The following PDGFC variants were observed in gnomAD, a reference collection of about 807,000 sequenced individuals.
The protein encoded by PDGFC is platelet-derived growth factor C.
Under a neutral mutation model 35.5 loss-of-function variants are expected in PDGFC, and 12 were observed. The ratio of observed to expected loss-of-function variants is 0.34; its 90% CI spans 0.22 to 0.55. The LOEUF is 0.55. PDGFC is among the 20% of genes least tolerant of loss of function. The pLI, the probability that PDGFC is intolerant of heterozygous loss-of-function variation, is 0.91. For synonymous variants in PDGFC, 159 were observed against 148.8 expected (o/e 1.07, Z -0.50); for missense variants, 322 against 412.4 (o/e 0.78, Z 1.90).
At chr4:156,880,868 G>A (rs867341501) in intron 1 of PDGFC, among the ~76,000 whole-genome samples, 9 of 152,192 alleles carry the variant, frequency 5.9e-5, no homozygotes, top group Non-Finnish European at 8.8e-5. Flanking sequence ...TGTTTTTATG[G>A]ATGAGCAAAG....
At chr4:156,911,362 C>T (rs1023572254) in intron 1 of PDGFC, among the ~76,000 whole-genome samples, 17 of 152,010 alleles carry the variant, frequency 1.1e-4, no homozygotes, top group African/African-American at 2.4e-4. Flanking sequence ...TATTGTGAAA[C>T]GGAAACAAAT....
intron 2 of PDGFC, among the ~76,000 whole-genome samples, chr4:156,824,327 TACACACACACACACACACAC>T (rs1204930651): frequency 3.9e-5 from 4 of 102,842 alleles, no homozygotes; most frequent in Non-Finnish European, 5.6e-5. Context: ...TATATATATA[TACACACACACACACACACAC>T]ACATATACAC....
At chr4:156,861,140 C>A (rs146827591) in intron 1 of PDGFC, among the ~76,000 whole-genome samples, 19 of 151,962 alleles carry the variant, frequency 1.3e-4, no homozygotes, top group Admixed American at 1.2e-3. Flanking sequence ...GACATTTTTG[C>A]GGTTTAAAGA....
In PDGFC at chr4:156,810,849, G is replaced by A; in HGVS notation, c.483C>T (p.Asn161=). The change falls in exon 3 of 6, where the codon AAC becomes AAT. Residue 161 remains asparagine (N), a synonymous_variant. Coordinates refer to ENST00000502773, the MANE Select transcript of PDGFC (RefSeq NM_016205.3). The stretch of plus-strand genomic sequence containing the variant: ...AAGTGGTACTTACTGGCATGACAAT[G>A]TTGTAGTGGATGCAGAACCCTGGTT... The part of the protein sequence containing the change: ...PSEPGFCIHY[N]IVMPQFTEAV... The A allele has an allele frequency of 8.1e-6, 13 of 1,596,620 alleles. No homozygotes were observed. The highest frequency in any genetic ancestry group is 2.2e-5 in the East Asian group (1 of 44,674).
intron 3 of PDGFC, chr4:156,773,704 G>A (rs1730747591): frequency 6.6e-6 from 1 of 152,224 alleles, no homozygotes; most frequent in Admixed American, 6.5e-5. Context: ...TCACACAGAT[G>A]AGATGGGCAA....
chr4:156,765,879 A>C (rs1560802159), intron 5 of PDGFC, among the ~76,000 whole-genome samples: 1 of 152,146 alleles, frequency 6.6e-6, no homozygotes, highest in Non-Finnish European at 1.5e-5. Flanking sequence ...TAATGGCATG[A>C]AAATTGCCAG....
At chr4:156,797,203 A>G (rs886860422) in intron 3 of PDGFC, among the ~76,000 whole-genome samples, 5 of 150,782 alleles carry the variant, frequency 3.3e-5, no homozygotes, top group African/African-American at 1.2e-4. Flanking sequence ...GCGCCACTGC[A>G]CTCCACCCTG....
At chr4:156,907,545 C>A (rs1311996189) in intron 1 of PDGFC, among the ~76,000 whole-genome samples, 1 of 152,092 alleles carries the variant, frequency 6.6e-6, no homozygotes, top group Non-Finnish European at 1.5e-5. Flanking sequence ...CATTGAGGGC[C>A]CCCCACTCAC....
At position 156,779,104 on chromosome 4, in the gene PDGFC, C is replaced by A. The variant is rs145072480; in HGVS notation, c.496-6211G>T. The A allele has an allele frequency of 8.1e-4, 370 of 456,052 alleles. 3 individuals carry two copies. The highest frequency in any genetic ancestry group is 6.6e-3 in the African/African-American group (330 of 50,172). 28.3% of individuals were successfully genotyped at this position (456,052 alleles called of 1,614,324 possible). A position where few individuals can be genotyped will look rare whatever the true frequency, so the allele number is the denominator to read the frequency against. On this transcript the variant is annotated intron_variant, in intron 3 of 5. Transcript: ENST00000502773. Reference sequence around the variant, plus strand: ...AGGTCTTACTTTTAAAGAGCCTAAGCAGCAGACAGGGCATGCAGACACAAA... The same window carrying A: ...AGGTCTTACTTTTAAAGAGCCTAAGAAGCAGACAGGGCATGCAGACACAAA...
intron 1 of PDGFC, among the ~76,000 whole-genome samples, chr4:156,957,030 T>C (rs1325697985): frequency 6.6e-6 from 1 of 151,826 alleles, no homozygotes; most frequent in Non-Finnish European, 1.5e-5. Context: ...TGGTCAAAAA[T>C]TATCTCAAGG....
At chr4:156,837,254 C>T (rs1729084874) in intron 2 of PDGFC, among the ~76,000 whole-genome samples, 1 of 152,096 alleles carries the variant, frequency 6.6e-6, no homozygotes, top group Admixed American at 6.6e-5. Context: ...TGGCACATGC[C>T]TGCAATCCCA....
At chr4:156,821,217 G>C (rs1732248801) in intron 2 of PDGFC, among the ~76,000 whole-genome samples, 1 of 151,650 alleles carries the variant, frequency 6.6e-6, no homozygotes, top group Non-Finnish European at 1.5e-5. Flanking sequence ...GTGTGAATGT[G>C]TGTGAGAGAG....
At chr4:156,861,464 T>C (rs909647998) in intron 1 of PDGFC, 3 of 1,265,732 alleles carry the variant, frequency 2.4e-6, no homozygotes, top group Middle Eastern at 2.2e-4. Context: ...TCTATGCCAG[T>C]CCAGATGCTT....
intron 2 of PDGFC, among the ~76,000 whole-genome samples, chr4:156,828,498 T>C (rs9307954): frequency 0.059 from 9,026 of 152,216 alleles, 884 homozygotes; most frequent in African/African-American, 0.21. Context: ...TTTTCTAATT[T>C]AAGGTACAAG....
chr4:156,870,112 T>A (rs974766338), intron 1 of PDGFC, among the ~76,000 whole-genome samples: 3 of 152,090 alleles, frequency 2.0e-5, no homozygotes, highest in Non-Finnish European at 4.4e-5. Flanking sequence ...CAATGAAAAT[T>A]AAGAAAACTA....
intron 3 of PDGFC, among the ~76,000 whole-genome samples, chr4:156,797,366 A>C (rs1233134661): frequency 1.3e-5 from 2 of 152,200 alleles, no homozygotes; most frequent in East Asian, 3.9e-4. Flanking sequence ...CAACCAGAAT[A>C]GGTTCAGAGC....
intron 3 of PDGFC, among the ~76,000 whole-genome samples, chr4:156,775,814 A>G (rs1005761667): frequency 1.3e-5 from 2 of 152,314 alleles, no homozygotes; most frequent in Non-Finnish European, 2.9e-5. Flanking sequence ...CAAATCTCTA[A>G]GCTTCTAAAT....
At chr4:156,770,772 T>C (rs956519921) in intron 4 of PDGFC, 11 of 152,144 alleles carry the variant, frequency 7.2e-5, no homozygotes, top group Admixed American at 1.3e-4. Flanking sequence ...CAAAAAACAG[T>C]AATATTTTTC....
chr4:156,907,655 T>C (rs1730946605), intron 1 of PDGFC, among the ~76,000 whole-genome samples: 1 of 152,040 alleles, frequency 6.6e-6, no homozygotes, highest in South Asian at 2.1e-4. Context: ...GGCCTCTGGG[T>C]GTGGGCATCT....
Sources: allele counts gnomAD v4.1 joint callset (sites outside exome capture counted in the v4.1 genomes callset), GRCh38; gene constraint gnomAD v4.1.1; transcripts MANE v1.5; gene names NCBI Gene and HGNC (gene_info 2026-07-23, HGNC 2026-07-21).